Variants in GRM7 observed in about 807,000 individuals in gnomAD.
The protein encoded by GRM7 is metabotropic glutamate receptor 7.
In GRM7, 35 loss-of-function variants were observed where a neutral mutation model predicts 84.5. The observed-to-expected ratio is 0.41, with a 90% confidence interval of 0.32 to 0.55. The LOEUF is 0.55. Among genes scored for constraint, GRM7 ranks in the 20% least tolerant of loss-of-function variants. The pLI is 0.19. For synonymous variants in GRM7, 487 were observed against 455.1 expected, an observed-to-expected ratio of 1.07 and a Z score of -0.89; for missense variants, 1,003 against 1,194.6, an observed-to-expected ratio of 0.84 and a Z score of 2.36.
At chr3:7,509,820 A>G (rs1452796558) in intron 7 of GRM7, among the ~76,000 whole-genome samples, 1 of 128,236 alleles carries the variant, frequency 7.8e-6, no homozygotes, top group Non-Finnish European at 1.7e-5. Context: ...GACCTCCAAA[A>G]TCTAAGTATC....
At chr3:7,626,743 T>C (rs1362119820) in intron 8 of GRM7, among the ~76,000 whole-genome samples, 1 of 152,116 alleles carries the variant, frequency 6.6e-6, no homozygotes, top group Non-Finnish European at 1.5e-5. Context: ...ACCAATTACA[T>C]ATTCAATGGC....
rs76753972 is a variant in GRM7 at position 7,079,691 on chromosome 3, G to C, written c.520-66761G>C. 4.7e-3 allele frequency among the ~76,000 whole-genome samples: 723 copies of C among 152,240 alleles called. 7 individuals are homozygous for C. Among genetic ancestry groups the C allele is most frequent in the African/African-American group, 0.016 (683 of 41,564 alleles). Reference sequence around the variant, plus strand: ...GAACTGGATAAGGGTGAGTTTACCTGTGATGGTGGGATATTTAGCAGGGTT... The same window carrying C: ...GAACTGGATAAGGGTGAGTTTACCTCTGATGGTGGGATATTTAGCAGGGTT... On this transcript the variant is annotated intron_variant, in intron 1 of 9. Coordinates refer to ENST00000357716, the MANE Select transcript of GRM7 (RefSeq NM_000844.4).
intron 8 of GRM7, among the ~76,000 whole-genome samples, chr3:7,628,754 G>C (rs1285708916): frequency 6.6e-6 from 1 of 152,144 alleles, no homozygotes; most frequent in African/African-American, 2.4e-5. Context: ...GATAAGAAGT[G>C]AAAGCAATGC....
At chr3:6,958,917 CA>C (rs200128472) in intron 1 of GRM7, among the ~76,000 whole-genome samples, 5 of 151,846 alleles carry the variant, frequency 3.3e-5, no homozygotes, top group African/African-American at 7.2e-5. Context: ...TATACCACAG[CA>C]AAAAAAGTGA....
At chr3:7,360,412 C>A (rs1188771412) in intron 4 of GRM7, among the ~76,000 whole-genome samples, 1 of 151,424 alleles carries the variant, frequency 6.6e-6, no homozygotes, top group Non-Finnish European at 1.5e-5. Flanking sequence ...CAAATAATTA[C>A]CTTTTGAACT....
At chr3:7,025,755 A>G (rs1257997099) in intron 1 of GRM7, among the ~76,000 whole-genome samples, 1 of 152,126 alleles carries the variant, frequency 6.6e-6, no homozygotes, top group African/African-American at 2.4e-5. Flanking sequence ...TAGAAGCCTC[A>G]TTACCCAAAG....
At chr3:7,006,082 C>T (rs1187505846) in intron 1 of GRM7, among the ~76,000 whole-genome samples, 1 of 152,154 alleles carries the variant, frequency 6.6e-6, no homozygotes, top group African/African-American at 2.4e-5. Flanking sequence ...TACTTAACAA[C>T]CTTCCCCCCT....
In GRM7 at chr3:7,401,096, T is replaced by G. The variant is rs1358031451; in HGVS notation, c.1034-13927T>G. Among the ~76,000 whole-genome samples the G allele has an allele frequency of 3.3e-5, 5 of 152,266 alleles. No individual in the cohort carries two copies. The East Asian group carries it at 9.7e-4, about 29-fold the overall frequency. On this transcript the variant is annotated intron_variant, in intron 4 of 9. Transcript: ENST00000357716. ...TCAGAATCTCTCTACCATGGGGCCT[T>G]TTGCTTTAATTAATTTCTGCTATAA...
At chr3:7,214,020 A>T (rs1696518458) in intron 2 of GRM7, among the ~76,000 whole-genome samples, 1 of 152,142 alleles carries the variant, frequency 6.6e-6, no homozygotes, top group South Asian at 2.1e-4. Flanking sequence ...CTTATTCTAA[A>T]CAAAAAGTAC....
chr3:6,887,749 A>G (rs890297367), intron 1 of GRM7, among the ~76,000 whole-genome samples: 1 of 152,186 alleles, frequency 6.6e-6, no homozygotes, highest in African/African-American at 2.4e-5. Context: ...TATACCCCGT[A>G]CTGGGATGGC....
At chr3:6,910,060 G>C (rs1227617709) in intron 1 of GRM7, among the ~76,000 whole-genome samples, 1 of 151,916 alleles carries the variant, frequency 6.6e-6, no homozygotes, top group Non-Finnish European at 1.5e-5. Flanking sequence ...TTCCTCATTG[G>C]GGAGTTGGGC....
chr3:7,626,049 C>A (rs946071263), intron 8 of GRM7, among the ~76,000 whole-genome samples: 3 of 152,016 alleles, frequency 2.0e-5, no homozygotes, highest in South Asian at 2.1e-4. Context: ...CATCAGAGAG[C>A]CATTTTTCTG....
At chr3:7,515,565 T>A (rs183388406) in intron 7 of GRM7, among the ~76,000 whole-genome samples, 5 of 152,284 alleles carry the variant, frequency 3.3e-5, no homozygotes, top group Admixed American at 3.3e-4. Context: ...ACCAAGCCAG[T>A]ATCAAAAAGG....
intron 2 of GRM7, among the ~76,000 whole-genome samples, chr3:7,189,319 A>C (rs931552701): frequency 6.6e-6 from 1 of 152,312 alleles, no homozygotes. Context: ...GAACCTGGGT[A>C]CAATTCCTGG....
chr3:7,499,778 C>CT (rs112392895), intron 7 of GRM7, among the ~76,000 whole-genome samples: 35,885 of 144,232 alleles, frequency 0.25, 5,179 homozygotes, highest in African/African-American at 0.42. Flanking sequence ...AGACACCATT[C>CT]TTTTTTTTTT....
At chr3:7,660,486 T>G (rs1183994460) in intron 8 of GRM7, among the ~76,000 whole-genome samples, 2 of 152,184 alleles carry the variant, frequency 1.3e-5, no homozygotes, top group Non-Finnish European at 2.9e-5. Flanking sequence ...ATAAAATATT[T>G]GTGAAATAAA....
intron 4 of GRM7, among the ~76,000 whole-genome samples, chr3:7,329,735 G>GTA: frequency 6.6e-6 from 1 of 152,142 alleles, no homozygotes; most frequent in Middle Eastern, 3.4e-3. Flanking sequence ...GTGTGTATAC[G>GTA]TGTGTGTGTT....
chr3:7,491,898 T>A (rs1298883972), intron 7 of GRM7, among the ~76,000 whole-genome samples: 1 of 152,156 alleles, frequency 6.6e-6, no homozygotes, highest in Admixed American at 6.6e-5. Flanking sequence ...CATGCCCTTT[T>A]CCAGCAAGTC....
At chr3:7,065,819 T>C (rs548099704) in intron 1 of GRM7, among the ~76,000 whole-genome samples, 2 of 151,898 alleles carry the variant, frequency 1.3e-5, no homozygotes, top group Non-Finnish European at 1.5e-5. Context: ...TACCCATCTA[T>C]GTATCAGCAC....
Sources: gnomAD v4.1 joint callset for allele counts (sites outside exome capture counted in the v4.1 genomes callset) on GRCh38, gnomAD v4.1.1 for gene constraint, MANE v1.5 for transcripts, NCBI Gene and HGNC (gene_info 2026-07-23, HGNC 2026-07-21) for gene names.